The following CCDC171 variants were observed in gnomAD, a reference collection of about 807,000 sequenced individuals.
The protein encoded by CCDC171 is coiled-coil domain-containing protein 171.
CCDC171 carries 177 observed loss-of-function variants against 168.2 expected under a neutral mutation model. The ratio of observed to expected loss-of-function variants is 1.05; its 90% CI spans 0.93 to 1.19. The LOEUF (loss-of-function observed/expected upper bound fraction) is 1.19. Among genes scored for constraint, CCDC171 ranks in the 50% most tolerant of loss-of-function variants. The pLI is 0.00. For synonymous variants in CCDC171, 687 were observed against 540.8 expected (o/e 1.27, Z -3.75); for missense variants, 1,991 against 1,539.0 (o/e 1.29, Z -4.91).
chr9:15,899,767 G>C (rs1355866891), intron 24 of CCDC171, among the ~76,000 whole-genome samples: 1 of 151,994 alleles, frequency 6.6e-6, no homozygotes, highest in Non-Finnish European at 1.5e-5. Flanking sequence ...GAAACTATCA[G>C]ATGTGTGGTT....
intron 3 of CCDC171, among the ~76,000 whole-genome samples, chr9:15,991,904 C>T (rs922338729): frequency 1.3e-5 from 2 of 152,050 alleles, no homozygotes; most frequent in African/African-American, 2.4e-5. Context: ...CAAAATAGAC[C>T]GATAACAGGC....
At chr9:15,902,650 G>A (rs550489065) in intron 24 of CCDC171, among the ~76,000 whole-genome samples, 115 of 152,256 alleles carry the variant, frequency 7.6e-4, no homozygotes, top group African/African-American at 2.4e-3. Context: ...CTGAGGTACC[G>A]GGTTCATCTC....
At position 15,971,852 on chromosome 9, in the gene CCDC171, A is replaced by C. The variant is rs754016126; in HGVS notation, c.*16A>C. 6.3e-6 allele frequency: 10 copies of C among 1,580,756 alleles called. No individual in the cohort carries two copies. In the African/African-American group the frequency reaches 1.3e-4, roughly 21 times the overall value. ...TGGATTATGACTTCATGAAATTAAAAAATGGAGGAAGAGTTAACAGTACAA... is the reference window on the plus strand; with the variant it reads ...TGGATTATGACTTCATGAAATTAAACAATGGAGGAAGAGTTAACAGTACAA... On this transcript the variant is annotated 3_prime_UTR_variant, in exon 26 of 26. Transcript: ENST00000380701.
chr9:15,619,659 T>G (rs563353791), intron 6 of CCDC171, among the ~76,000 whole-genome samples: 1 of 152,184 alleles, frequency 6.6e-6, no homozygotes, highest in Non-Finnish European at 1.5e-5. Flanking sequence ...CTGCAGCAAG[T>G]AATCCCAAAG....
intron 11 of CCDC171, among the ~76,000 whole-genome samples, chr9:15,696,142 C>G (rs2051196796): frequency 6.6e-6 from 1 of 152,148 alleles, no homozygotes; most frequent in South Asian, 2.1e-4. Flanking sequence ...ATTTCTCACT[C>G]TTAAAAATTG....
At chr9:15,809,287 G>C (rs1408309943) in intron 21 of CCDC171, among the ~76,000 whole-genome samples, 2 of 152,186 alleles carry the variant, frequency 1.3e-5, no homozygotes, top group African/African-American at 4.8e-5. Context: ...GTCTAGAGCA[G>C]CACTGTCCAA....
intron 24 of CCDC171, among the ~76,000 whole-genome samples, chr9:15,917,749 C>T (rs914507226): frequency 1.3e-5 from 2 of 151,598 alleles, no homozygotes; most frequent in Non-Finnish European, 1.5e-5. Flanking sequence ...ACTTTTAATC[C>T]TAAAATATTA....
At chr9:15,750,231 A>C (rs2055626382) in intron 18 of CCDC171, among the ~76,000 whole-genome samples, 2 of 152,166 alleles carry the variant, frequency 1.3e-5, no homozygotes, top group African/African-American at 4.8e-5. Flanking sequence ...GAAATGTATA[A>C]ATTCCTGGAC....
intron 23 of CCDC171, among the ~76,000 whole-genome samples, chr9:15,873,895 A>T (rs1398751263): frequency 6.6e-6 from 1 of 152,060 alleles, no homozygotes; most frequent in Non-Finnish European, 1.5e-5. Flanking sequence ...TACTGATTTT[A>T]TCTGTTGTAT....
chr9:15,627,770 G>A (rs1165911211), intron 7 of CCDC171, among the ~76,000 whole-genome samples: 1 of 152,178 alleles, frequency 6.6e-6, no homozygotes, highest in African/African-American at 2.4e-5. Flanking sequence ...AGTGTGATGT[G>A]GTGCTGAGAA....
intron 7 of CCDC171, among the ~76,000 whole-genome samples, chr9:15,634,710 T>A (rs2046059194): frequency 6.6e-6 from 1 of 152,234 alleles, no homozygotes; most frequent in South Asian, 2.1e-4. Context: ...TGGTTTTTAG[T>A]GTATTCACAG....
chr9:15,897,707 A>G (rs910039874), intron 24 of CCDC171, among the ~76,000 whole-genome samples: 2 of 152,190 alleles, frequency 1.3e-5, no homozygotes, highest in African/African-American at 4.8e-5. Context: ...ATGGATCAAT[A>G]AAAGAGAGAA....
intron 21 of CCDC171, among the ~76,000 whole-genome samples, chr9:15,809,305 A>T (rs1176325079): frequency 1.3e-5 from 2 of 152,146 alleles, no homozygotes; most frequent in Non-Finnish European, 2.9e-5. Flanking sequence ...CAATATGGTA[A>T]CCACTAGCCA....
intron 10 of CCDC171, among the ~76,000 whole-genome samples, chr9:15,692,596 C>T (rs1281554082): frequency 2.0e-5 from 3 of 149,508 alleles, no homozygotes; most frequent in Non-Finnish European, 3.0e-5. Flanking sequence ...GGCGCGATGT[C>T]GGCTCACTGC....
At chr9:15,809,713 C>T (rs181941758) in intron 21 of CCDC171, among the ~76,000 whole-genome samples, 2 of 152,156 alleles carry the variant, frequency 1.3e-5, no homozygotes, top group Non-Finnish European at 2.9e-5. Flanking sequence ...GTGAGTGTTA[C>T]AGCTCATAAA....
At chr9:15,693,651 A>G (rs985530820) in intron 10 of CCDC171, among the ~76,000 whole-genome samples, 4 of 152,200 alleles carry the variant, frequency 2.6e-5, no homozygotes, top group Non-Finnish European at 4.4e-5. Flanking sequence ...GGGAAGTGAT[A>G]GTTGAGCTGA....
intron 25 of CCDC171, among the ~76,000 whole-genome samples, chr9:15,948,147 A>G (rs960780814): frequency 2.6e-5 from 4 of 151,636 alleles, no homozygotes; most frequent in African/African-American, 9.7e-5. Context: ...CCTACAAAGG[A>G]CATGAACTCA....
chr9:15,877,582 C>A (rs1588961489), intron 24 of CCDC171, among the ~76,000 whole-genome samples: 1 of 152,064 alleles, frequency 6.6e-6, no homozygotes, highest in Admixed American at 6.6e-5. Context: ...TCCAGTGAAA[C>A]CTTTCGTTTA....
At chr9:15,581,516 C>T (rs1411730013) in intron 4 of CCDC171, among the ~76,000 whole-genome samples, 2 of 152,172 alleles carry the variant, frequency 1.3e-5, no homozygotes, top group Non-Finnish European at 2.9e-5. Flanking sequence ...TATCACGCTA[C>T]CTGACTTCAA....
Sources: allele counts gnomAD v4.1 joint callset (sites outside exome capture counted in the v4.1 genomes callset), GRCh38; gene constraint gnomAD v4.1.1; transcripts MANE v1.5; gene names NCBI Gene and HGNC (gene_info 2026-07-23, HGNC 2026-07-21).